CPEB1: variants seen among roughly 807,000 people sequenced by gnomAD.
The protein encoded by CPEB1 is cytoplasmic polyadenylation element-binding protein 1.
A neutral mutation model predicts 65.8 loss-of-function variants in CPEB1; 7 were observed. The observed-to-expected ratio is 0.11, with a 90% CI of 0.06 to 0.20. CPEB1 has a LOEUF of 0.20. Ranked by LOEUF, CPEB1 falls within the 10% of genes least tolerant of loss-of-function variation. The probability of loss-of-function intolerance (pLI) is 1.00; values close to 1 mark genes in which losing one functional copy is unlikely to be tolerated. For synonymous variants in CPEB1, 262 were observed against 260.0 expected, an observed-to-expected ratio of 1.01 and a Z score of -0.08; for missense variants, 551 against 712.2, an observed-to-expected ratio of 0.77 and a Z score of 2.58.
At chr15:82,588,350 A>G (rs2041965695) in intron 3 of CPEB1, among the ~76,000 whole-genome samples, 1 of 152,210 alleles carries the variant, frequency 6.6e-6, no homozygotes, top group South Asian at 2.1e-4. Flanking sequence ...ATCTCCACCT[A>G]ATTCCCTACC....
At chr15:82,637,577 G>A (rs559185127) in intron 1 of CPEB1, among the ~76,000 whole-genome samples, 20 of 152,090 alleles carry the variant, frequency 1.3e-4, no homozygotes, top group Admixed American at 1.2e-3. Flanking sequence ...TTTAACCCTC[G>A]AAGGCAAGCA....
At chr15:82,553,357 C>T (rs2036609576) in intron 8 of CPEB1, 110 bp downstream of exon 8, 2 of 773,624 alleles carry the variant, frequency 2.6e-6, no homozygotes, top group Admixed American at 2.2e-5. Flanking sequence ...GAGTGCCCAC[C>T]ATGTTACCAA....
intron 3 of CPEB1, among the ~76,000 whole-genome samples, chr15:82,579,256 G>C (rs1375139660): frequency 6.6e-6 from 1 of 152,116 alleles, no homozygotes; most frequent in Non-Finnish European, 1.5e-5. Flanking sequence ...GAGCCCAGGA[G>C]TTCAAGACTG....
At position 82,544,692 on chromosome 15, in the gene CPEB1, T is replaced by A; in HGVS notation, c.1667A>T (p.Lys556Ile). 1 of 1,613,232 alleles carries A rather than the reference T, an allele frequency of 6.2e-7. No individual in the cohort carries two copies. The highest frequency in any genetic ancestry group is 8.5e-7 in the Non-Finnish European group (1 of 1,179,734). ...PFFCRDQVCFKYFCRSCWHWR... is the reference protein window; with the variant it reads ...PFFCRDQVCFIYFCRSCWHWR... The stretch of plus-strand genomic sequence containing the variant: ...GTGCCAGCAGCTCCGGCAGAAGTAT[T>A]TGAAGCAGACCTGGGTTGGGGGAAC... The change falls in exon 13 of 13, where the codon AAA (lysine) becomes ATA (isoleucine). Residue 556 changes from lysine to isoleucine, a missense_variant. This residue lies in a region of CPEB1 where 98 missense variants were observed against 157.6 expected (regional missense o/e 0.62). Transcript: ENST00000684509.
Position 82,553,530 on chromosome 15 carries a change from A to G in CPEB1, c.1081T>C (p.Phe361Leu). The G allele has an allele frequency of 6.2e-7, 1 of 1,613,502 alleles. No individual in the cohort carries two copies. The highest frequency in any genetic ancestry group is 8.5e-7 in the Non-Finnish European group (1 of 1,179,712). ...GGCCACTCCACACTCAAAGAGCCAAAAACACGGAAGGTGTTAACTAATCCA... is the reference window on the plus strand; with the variant it reads ...GGCCACTCCACACTCAAAGAGCCAAGAACACGGAAGGTGTTAACTAATCCA... ...EAGLVNTFRV[F>L]GSLSVEWPGK... The change falls in exon 8 of 13, where the codon TTT becomes CTT. Residue 361 changes from phenylalanine to leucine, a missense_variant. Around this residue, in one of 6 missense-constraint regions of CPEB1, gnomAD observed 99 missense variants for 161.3 expected, o/e 0.61. Transcript: ENST00000684509.
In CPEB1 at chr15:82,555,923, G is replaced by A. The variant is rs771010179; in HGVS notation, c.887C>T (p.Pro296Leu). 6.2e-7 allele frequency: 1 copy of A among 1,613,660 alleles called. No homozygotes were observed. Among genetic ancestry groups the A allele is most frequent in the Admixed American group, 1.7e-5 (1 of 59,956 alleles). Residue 296 changes from proline to leucine, a missense_variant, in exon 6 of 13, where the codon CCC (proline) becomes CTC (leucine). Pro to Leu is a moderately conservative substitution (Grantham distance 98). Around this residue, in one of 6 missense-constraint regions of CPEB1, gnomAD observed 128 missense variants for 129.1 expected, o/e 0.99. Coordinates refer to ENST00000684509, the MANE Select transcript of CPEB1 (RefSeq NM_001365242.1). ...TCTCTCTATGCTGAAGGGGTCTTTGGGAGCTTCGAGGAGGTCCCAGGATGG... is the reference window on the plus strand; with the variant it reads ...TCTCTCTATGCTGAAGGGGTCTTTGAGAGCTTCGAGGAGGTCCCAGGATGG... ...VWPSWDLLEA[P>L]KDPFSIEREA...
At chr15:82,593,119 G>T (rs1194375784) in intron 3 of CPEB1, among the ~76,000 whole-genome samples, 1 of 152,224 alleles carries the variant, frequency 6.6e-6, no homozygotes, top group Non-Finnish European at 1.5e-5. Context: ...GTTGCTGAAG[G>T]CTGGGTTAAC....
intron 4 of CPEB1, among the ~76,000 whole-genome samples, chr15:82,570,987 A>G (rs2039942142): frequency 6.6e-6 from 1 of 151,900 alleles, no homozygotes; most frequent in South Asian, 2.1e-4. Flanking sequence ...CCCCACCTAA[A>G]AGTGTTTTGC....
chr15:82,619,440 T>C (rs935316101), intron 3 of CPEB1, among the ~76,000 whole-genome samples: 1 of 152,240 alleles, frequency 6.6e-6, no homozygotes, highest in African/African-American at 2.4e-5. Context: ...CAGTAAATTA[T>C]ACTTCATTAC....
intron 3 of CPEB1, among the ~76,000 whole-genome samples, chr15:82,603,759 A>G (rs1258842523): frequency 6.6e-6 from 1 of 152,158 alleles, no homozygotes; most frequent in Non-Finnish European, 1.5e-5. Context: ...CCAAGCAGAG[A>G]CTTCAGTGGC....
intron 3 of CPEB1, among the ~76,000 whole-genome samples, chr15:82,593,789 T>A (rs1046102870): frequency 3.3e-5 from 5 of 152,236 alleles, no homozygotes; most frequent in Non-Finnish European, 5.9e-5. Flanking sequence ...ACTGATCTTG[T>A]GTCAGCAGGC....
chr15:82,553,588 T>C, intron 7 of CPEB1, 32 bp from the exon 8 acceptor site: 3 of 1,480,980 alleles, frequency 2.0e-6, no homozygotes, highest in Non-Finnish European at 2.8e-6. Flanking sequence ...TGGCAGAAGC[T>C]GAGGAACCAT....
intron 3 of CPEB1, among the ~76,000 whole-genome samples, chr15:82,622,534 G>C (rs1354565226): frequency 6.6e-6 from 1 of 152,054 alleles, no homozygotes; most frequent in African/African-American, 2.4e-5. Context: ...CCGGACTACA[G>C]GCACGCACCA....
chr15:82,626,387 T>C (rs2045777741), intron 3 of CPEB1, among the ~76,000 whole-genome samples: 1 of 151,542 alleles, frequency 6.6e-6, no homozygotes. Flanking sequence ...TGAGCCGAGA[T>C]CACACCACTG....
intron 3 of CPEB1, among the ~76,000 whole-genome samples, chr15:82,582,312 T>C (rs977353704): frequency 5.3e-5 from 8 of 152,190 alleles, no homozygotes; most frequent in African/African-American, 1.7e-4. Flanking sequence ...TTAGCAAGGA[T>C]AGACCAAACA....
chr15:82,638,068 T>G, intron 1 of CPEB1: 1 of 420,088 alleles, frequency 2.4e-6, no homozygotes, highest in Non-Finnish European at 4.9e-6. Flanking sequence ...CTGTATTTAA[T>G]GTGTTGTCAT....
At chr15:82,590,228 A>C (rs1372452168) in intron 3 of CPEB1, among the ~76,000 whole-genome samples, 9 of 150,416 alleles carry the variant, frequency 6.0e-5, no homozygotes, top group East Asian at 1.9e-4. Flanking sequence ...AAAAAAAAAA[A>C]AAAAAAAAAA....
At position 82,544,380 on chromosome 15, in the gene CPEB1, T is replaced by G. The variant is rs977535043; in HGVS notation, c.*212A>C. On this transcript the variant is annotated 3_prime_UTR_variant, in exon 13 of 13. Transcript: ENST00000684509. ...AGGGTAAGCCAGAGGGTCCTTGCCC[T>G]TGGTACACCCCCTGAAAACAAAACC... 2.0e-5 allele frequency: 8 copies of G among 403,980 alleles called. No homozygotes were observed. The highest frequency in any genetic ancestry group is 4.7e-5 in the East Asian group (1 of 21,274). The allele number at this position is 403,980 out of a possible 1,614,324, so 25.0% of individuals were successfully genotyped here.
At chr15:82,584,397 G>C (rs2041583651) in intron 3 of CPEB1, among the ~76,000 whole-genome samples, 1 of 151,762 alleles carries the variant, frequency 6.6e-6, no homozygotes, top group African/African-American at 2.4e-5. Context: ...CATAATGCAG[G>C]CTGGGTGCGG....
Sources: allele counts gnomAD v4.1 joint callset (sites outside exome capture counted in the v4.1 genomes callset), GRCh38; gene constraint gnomAD v4.1.1; regional missense constraint gnomAD v4.1.1; transcripts MANE v1.5; gene names NCBI Gene and HGNC (gene_info 2026-07-23, HGNC 2026-07-21).